ANKRD44: variants seen among roughly 807,000 people sequenced by gnomAD.
ANKRD44 encodes serine/threonine-protein phosphatase 6 regulatory ankyrin repeat subunit B.
Under a neutral mutation model 116.0 loss-of-function variants are expected in ANKRD44, and 35 were observed. The observed-to-expected ratio is 0.30, with a 90% CI of 0.23 to 0.40. ANKRD44 has a LOEUF of 0.40. Ranked by LOEUF, ANKRD44 falls within the 10% of genes least tolerant of loss-of-function variation. The pLI, the probability that ANKRD44 is intolerant of heterozygous loss-of-function variation, is 1.00. For synonymous variants in ANKRD44, 435 were observed against 461.8 expected (o/e 0.94, Z 0.74); for missense variants, 1,014 against 1,242.6 (o/e 0.82, Z 2.77).
intron 1 of ANKRD44, among the ~76,000 whole-genome samples, chr2:197,239,822 T>A (rs191027787): frequency 6.6e-6 from 1 of 152,298 alleles, no homozygotes; most frequent in Admixed American, 6.5e-5. Flanking sequence ...ACTATCTCAA[T>A]GGATTTCATA....
At chr2:197,166,738 A>G (rs1243594217) in intron 2 of ANKRD44, among the ~76,000 whole-genome samples, 2 of 152,216 alleles carry the variant, frequency 1.3e-5, no homozygotes, top group Admixed American at 6.5e-5. Context: ...CCAAGGTCAT[A>G]TAACAGCTGG....
Position 197,064,753 on chromosome 2 carries a change from C to T in ANKRD44, c.1650+13950G>A, listed in dbSNP as rs1276781617. On this transcript the variant is annotated intron_variant, in intron 16 of 27. Coordinates refer to ENST00000282272, the MANE Select transcript of ANKRD44 (RefSeq NM_001195144.2). Reference sequence around the variant, plus strand: ...GGATCAATTCAACAAGAAGAGCTAACTATCCTAAATATATATGCACCCAAT... The same window carrying T: ...GGATCAATTCAACAAGAAGAGCTAATTATCCTAAATATATATGCACCCAAT... Among the ~76,000 whole-genome samples the T allele has an allele frequency of 3.3e-5, 5 of 152,194 alleles. No individual in the cohort carries two copies. In the East Asian group the frequency reaches 9.6e-4, roughly 29 times the overall value.
intron 2 of ANKRD44, among the ~76,000 whole-genome samples, chr2:197,176,987 T>C (rs1292519285): frequency 6.6e-6 from 1 of 152,148 alleles, no homozygotes; most frequent in Admixed American, 6.5e-5. Flanking sequence ...GTCATAATCA[T>C]ATAGTTATTT....
chr2:197,193,746 G>A (rs1327385022), intron 1 of ANKRD44, among the ~76,000 whole-genome samples: 4 of 152,068 alleles, frequency 2.6e-5, no homozygotes, highest in African/African-American at 9.7e-5. Context: ...GCCGGGCCTG[G>A]TGGCGGTCGC....
rs572720299 is a variant in ANKRD44, at chr2:197,206,101, G to C, written c.28-18995C>G. On this transcript the variant is annotated intron_variant, in intron 1 of 27. Transcript: ENST00000282272. ...TAGCTCAGACTGGCTGCGGAGAGGAGAATGGATTGGCGGAGAGAACACAAG... is the reference window on the plus strand; with the variant it reads ...TAGCTCAGACTGGCTGCGGAGAGGACAATGGATTGGCGGAGAGAACACAAG... Among the ~76,000 whole-genome samples, 219 of 152,282 alleles carry C rather than the reference G, an allele frequency of 1.4e-3. 4 individuals carry two copies. The highest frequency in any genetic ancestry group is 5.1e-3 in the African/African-American group (214 of 41,568).
intron 1 of ANKRD44, among the ~76,000 whole-genome samples, chr2:197,295,210 G>A (rs1303309664): frequency 1.3e-5 from 2 of 152,174 alleles, no homozygotes; most frequent in African/African-American, 4.8e-5. Context: ...GGTAACACTA[G>A]GACTGTAAGA....
At chr2:197,112,882 T>C (rs998132008) in intron 8 of ANKRD44, among the ~76,000 whole-genome samples, 6 of 152,022 alleles carry the variant, frequency 3.9e-5, no homozygotes, top group Non-Finnish European at 8.8e-5. Flanking sequence ...AACACAAGCA[T>C]TTTATTATAT....
chr2:197,025,723 C>A (rs1018998106), intron 16 of ANKRD44, among the ~76,000 whole-genome samples: 1 of 152,196 alleles, frequency 6.6e-6, no homozygotes, highest in Non-Finnish European at 1.5e-5. Flanking sequence ...TATGGAGTGA[C>A]TGACAGGCTG....
chr2:197,289,795 T>G (rs2083508648), intron 1 of ANKRD44, among the ~76,000 whole-genome samples: 1 of 152,184 alleles, frequency 6.6e-6, no homozygotes, highest in Non-Finnish European at 1.5e-5. Context: ...AGGTAACTTT[T>G]GTCAAAACAC....
At chr2:197,243,383 C>CAA (rs111433595) in intron 1 of ANKRD44, among the ~76,000 whole-genome samples, 6 of 142,786 alleles carry the variant, frequency 4.2e-5, no homozygotes, top group African/African-American at 5.2e-5. Flanking sequence ...AGCTTTAGGA[C>CAA]AAAAAAAAAA....
chr2:197,203,783 A>C lies in ANKRD44; in HGVS notation c.28-16677T>G, dbSNP rs1381704798. On this transcript the variant is annotated intron_variant, in intron 1 of 27. Coordinates refer to ENST00000282272, the MANE Select transcript of ANKRD44 (RefSeq NM_001195144.2). This position sits in a 1 kb window ranked among gnomAD's most constrained non-coding sequence, Gnocchi z 4.1. Reference sequence around the variant, plus strand: ...CCGTAGAGTAAAATATTACTCAGCCATGAAAAGGAACAGCGTATAATGATA... The same window carrying C: ...CCGTAGAGTAAAATATTACTCAGCCCTGAAAAGGAACAGCGTATAATGATA... 6.6e-6 allele frequency among the ~76,000 whole-genome samples: 1 copy of C among 152,234 alleles called. No individual in the cohort carries two copies. Among genetic ancestry groups the C allele is most frequent in the Non-Finnish European group, 1.5e-5 (1 of 68,038 alleles).
intron 2 of ANKRD44, among the ~76,000 whole-genome samples, chr2:197,153,115 G>A (rs1030717974): frequency 6.7e-6 from 1 of 150,270 alleles, no homozygotes; most frequent in Non-Finnish European, 1.5e-5. Flanking sequence ...GCTGAGGTGG[G>A]AGGATTGCTT....
At chr2:197,303,120 C>G (rs993635503) in intron 1 of ANKRD44, among the ~76,000 whole-genome samples, 23 of 152,200 alleles carry the variant, frequency 1.5e-4, no homozygotes, top group African/African-American at 4.8e-5. Flanking sequence ...GACTCCTCAC[C>G]CTTAGACAAA....
At chr2:197,042,661 A>G (rs1574336065) in intron 16 of ANKRD44, among the ~76,000 whole-genome samples, 1 of 152,324 alleles carries the variant, frequency 6.6e-6, no homozygotes, top group East Asian at 1.9e-4. Context: ...GGAATAACAT[A>G]TGAATTTTAA....
rs111253575 is a variant in ANKRD44 at position 197,201,829 on chromosome 2, C to T, written c.28-14723G>A. On this transcript the variant is annotated intron_variant, in intron 1 of 27. Transcript: ENST00000282272. The surrounding 1 kb of genome is among the most constrained non-coding windows in gnomAD (Gnocchi z 4.0). ...AGTTTTTAATCTCTTGCCCTCCTCC[C>T]ATCCTGCCCCCTTTTGGGATTCACA... Among the ~76,000 whole-genome samples the T allele has an allele frequency of 2.6e-5, 4 of 152,318 alleles. No individual in the cohort carries two copies. Among genetic ancestry groups the T allele is most frequent in the African/African-American group, 7.2e-5 (3 of 41,558 alleles).
intron 21 of ANKRD44, among the ~76,000 whole-genome samples, chr2:196,974,928 C>T (rs1340383223): frequency 1.3e-5 from 2 of 150,548 alleles, no homozygotes; most frequent in Non-Finnish European, 3.0e-5. Flanking sequence ...GTAAACTATA[C>T]CCAAAGTAAG....
At chr2:197,225,812 G>A (rs2081698097) in intron 1 of ANKRD44, among the ~76,000 whole-genome samples, 1 of 152,180 alleles carries the variant, frequency 6.6e-6, no homozygotes, top group Non-Finnish European at 1.5e-5. Context: ...AGGTGATATG[G>A]GGTGGAAATT....
At chr2:196,998,511 A>G in intron 24 of ANKRD44, 92 bp from the exon 25 acceptor site, 1 of 877,966 alleles carries the variant, frequency 1.1e-6, no homozygotes, top group Non-Finnish European at 1.8e-6. Flanking sequence ...ACATATTTAA[A>G]TTAGTACAGT....
At chr2:197,305,749 G>A (rs1205705517) in intron 1 of ANKRD44, among the ~76,000 whole-genome samples, 3 of 151,934 alleles carry the variant, frequency 2.0e-5, no homozygotes, top group African/African-American at 7.3e-5. Flanking sequence ...TTGGTGTAGA[G>A]AACACAGATA....
Sources: allele counts gnomAD v4.1 joint callset (sites outside exome capture counted in the v4.1 genomes callset), GRCh38; gene constraint gnomAD v4.1.1; non-coding constraint Gnocchi (gnomAD v3.1); transcripts MANE v1.5; gene names NCBI Gene and HGNC (gene_info 2026-07-23, HGNC 2026-07-21).